The following SLC38A4 variants were observed in gnomAD, a reference collection of about 807,000 sequenced individuals.
The protein encoded by SLC38A4 is sodium-coupled neutral amino acid transporter 4.
SLC38A4 carries 20 observed loss-of-function variants against 63.1 expected under a neutral mutation model. That is an observed-to-expected ratio of 0.32 (90% CI 0.22 to 0.46). The LOEUF (loss-of-function observed/expected upper bound fraction) is 0.46. Ranked by LOEUF, SLC38A4 falls within the 20% of genes least tolerant of loss-of-function variation. The pLI is 1.00. For missense variants in SLC38A4, 526 were observed against 663.6 expected (o/e 0.79, Z 2.28); for synonymous variants, 230 against 225.5 (o/e 1.02, Z -0.18).
chr12:46,806,419 G>A (rs553996117), intron 1 of SLC38A4, among the ~76,000 whole-genome samples: 43 of 152,002 alleles, frequency 2.8e-4, no homozygotes, highest in South Asian at 1.2e-3. Context: ...TAGGAGAGAT[G>A]ATGGTGTGGA....
intron 1 of SLC38A4, among the ~76,000 whole-genome samples, chr12:46,831,577 C>A (rs1306149158): frequency 6.6e-6 from 1 of 152,234 alleles, no homozygotes; most frequent in Non-Finnish European, 1.5e-5. Context: ...ACTCGCCCAC[C>A]GCCCAGAGAC....
At chr12:46,822,752 A>G (rs1297620022) in intron 1 of SLC38A4, among the ~76,000 whole-genome samples, 1 of 152,154 alleles carries the variant, frequency 6.6e-6, no homozygotes, top group African/African-American at 2.4e-5. Context: ...GAAACAACAA[A>G]CAAGAGTCTA....
At chr12:46,809,056 C>A (rs1383250911) in intron 1 of SLC38A4, among the ~76,000 whole-genome samples, 1 of 151,956 alleles carries the variant, frequency 6.6e-6, no homozygotes, top group African/African-American at 2.4e-5. Flanking sequence ...CCTACCAGAA[C>A]AATTTTGATG....
At chr12:46,806,305 G>A (rs979777823) in intron 1 of SLC38A4, among the ~76,000 whole-genome samples, 1 of 152,008 alleles carries the variant, frequency 6.6e-6, no homozygotes, top group Non-Finnish European at 1.5e-5. Context: ...GAATGGAATA[G>A]TACAGACTGC....
At chr12:46,829,097 C>A (rs1398394943), upstream of SLC38A4, among the ~76,000 whole-genome samples, 4 of 152,164 alleles carry the variant, frequency 2.6e-5, no homozygotes, top group Non-Finnish European at 5.9e-5. Flanking sequence ...TGACTCTTGG[C>A]TCTTTCCTTA....
chr12:46,778,144 G>T, intron 12 of SLC38A4, 145 bp downstream of exon 12: 1 of 716,240 alleles, frequency 1.4e-6, no homozygotes, highest in South Asian at 1.8e-5. Flanking sequence ...CCACCTTTCT[G>T]ATTAAAGCAT....
chr12:46,806,941 A>C (rs1214337184), intron 1 of SLC38A4, among the ~76,000 whole-genome samples: 3 of 151,958 alleles, frequency 2.0e-5, no homozygotes, highest in African/African-American at 7.2e-5. Context: ...TTCTACCTCC[A>C]ACAATGACCT....
chr12:46,792,820 T>G, intron 3 of SLC38A4, 133 bp downstream of exon 3: 1 of 683,258 alleles, frequency 1.5e-6, no homozygotes, highest in Non-Finnish European at 2.6e-6. Context: ...AGGGAATTGA[T>G]GTGCTAGCAT....
chr12:46,797,834 C>G (rs1939048487), intron 2 of SLC38A4, among the ~76,000 whole-genome samples: 1 of 152,138 alleles, frequency 6.6e-6, no homozygotes, highest in East Asian at 1.9e-4. Flanking sequence ...CAAAGTCTAA[C>G]TTGTGATAGG....
At chr12:46,778,913 G>A in intron 10 of SLC38A4, 137 bp from the exon 11 acceptor site, 1 of 745,228 alleles carries the variant, frequency 1.3e-6, no homozygotes, top group Non-Finnish European at 2.1e-6. Flanking sequence ...AATGGACAAA[G>A]TAAACTTCCT....
At chr12:46,770,007 G>A (rs1938384010) in intron 14 of SLC38A4, among the ~76,000 whole-genome samples, 1 of 152,094 alleles carries the variant, frequency 6.6e-6, no homozygotes, top group Admixed American at 6.6e-5. Context: ...TTTGATATTT[G>A]AAATGGAGTG....
chr12:46,829,600 T>C (rs1939703771), upstream of SLC38A4, among the ~76,000 whole-genome samples: 1 of 152,180 alleles, frequency 6.6e-6, no homozygotes, highest in African/African-American at 2.4e-5. Flanking sequence ...TAAACTGACA[T>C]GGAACACAGG....
intron 13 of SLC38A4, 76 bp from the exon 14 acceptor site, chr12:46,775,249 G>T: frequency 6.5e-7 from 1 of 1,539,680 alleles, no homozygotes; most frequent in Non-Finnish European, 8.8e-7. Flanking sequence ...ACATTTTATA[G>T]AGAGAACACA....
At chr12:46,784,437 C>T in intron 7 of SLC38A4, 105 bp downstream of exon 7, 2 of 706,310 alleles carry the variant, frequency 2.8e-6, no homozygotes, top group East Asian at 2.8e-5. Flanking sequence ...CTATAAGTAG[C>T]AATTTTTCTG....
rs547596220 is a variant in SLC38A4, at chr12:46,787,129, G to C, written c.326+787C>G. Among the ~76,000 whole-genome samples, 3 of 152,316 alleles carry C rather than the reference G, an allele frequency of 2.0e-5. No homozygotes were observed. The East Asian group carries it at 5.8e-4, about 29-fold the overall frequency. The stretch of plus-strand genomic sequence containing the variant: ...CTACCCTTAGGCAGCATTTGAACAA[G>C]TTTGGTGAAAGTACGTAGGTTTAGG... On this transcript the variant is annotated intron_variant, in intron 5 of 16. Transcript: ENST00000266579.
intron 14 of SLC38A4, among the ~76,000 whole-genome samples, chr12:46,772,072 C>A (rs943539758): frequency 1.3e-5 from 2 of 151,204 alleles, no homozygotes; most frequent in African/African-American, 4.9e-5. Context: ...ATGCAGGGGC[C>A]CAATGTGAAG....
At chr12:46,791,484 G>A (rs371368064) in intron 3 of SLC38A4, among the ~76,000 whole-genome samples, 9 of 152,208 alleles carry the variant, frequency 5.9e-5, no homozygotes, top group African/African-American at 1.4e-4. Context: ...AAGGAAGAAC[G>A]GTAGTTTCTC....
rs141997108 is a variant in SLC38A4, at chr12:46,779,834, T to C, written c.604A>G (p.Ile202Val). The C allele has an allele frequency of 6.3e-3, 10,174 of 1,612,194 alleles. 49 individuals carry two copies. Among genetic ancestry groups the C allele is most frequent in the Middle Eastern group, 8.4e-3 (51 of 6,046 alleles). The change falls in exon 9 of 17, where the codon ATC becomes GTC. Residue 202 changes from isoleucine (I) to valine (V), a missense_variant. Coordinates refer to ENST00000266579, the MANE Select transcript of SLC38A4 (RefSeq NM_018018.5). ...GEWYLNGNYL[I>V]IFVSVGIILP... ...ATAATTCCAACAGACACAAATATGATGAGGTAGTTGCCATTGAGGTACCAT... is the reference window on the plus strand; with the variant it reads ...ATAATTCCAACAGACACAAATATGACGAGGTAGTTGCCATTGAGGTACCAT...
intron 2 of SLC38A4, among the ~76,000 whole-genome samples, chr12:46,798,695 A>C (rs988786837): frequency 1.3e-5 from 2 of 152,176 alleles, no homozygotes; most frequent in African/African-American, 4.8e-5. Context: ...TTTTTAGAAA[A>C]GATATATCAA....
Sources: gnomAD v4.1 joint callset for allele counts (sites outside exome capture counted in the v4.1 genomes callset) on GRCh38, gnomAD v4.1.1 for gene constraint, MANE v1.5 for transcripts, NCBI Gene and HGNC (gene_info 2026-07-23, HGNC 2026-07-21) for gene names.